The following GART variants were observed in gnomAD, a reference collection of about 807,000 sequenced individuals.
The protein encoded by GART is phosphoribosylglycinamide formyltransferase, phosphoribosylglycinamide synthetase, phosphoribosylaminoimidazole synthetase.
Under a neutral mutation model 107.2 loss-of-function variants are expected in GART, and 43 were observed. The observed-to-expected ratio is 0.40, with a 90% CI of 0.31 to 0.52. The LOEUF (loss-of-function observed/expected upper bound fraction) is 0.52. Ranked by LOEUF, GART falls within the 20% of genes least tolerant of loss-of-function variation. GART has a pLI of 0.52. For synonymous variants in GART, 434 were observed against 427.0 expected, an observed-to-expected ratio of 1.02 and a Z score of -0.20; for missense variants, 1,107 against 1,206.5, an observed-to-expected ratio of 0.92 and a Z score of 1.22.
intron 20 of GART, 39 bp from the exon 21 acceptor site, chr21:33,504,566 A>C: frequency 7.0e-7 from 1 of 1,423,674 alleles, no homozygotes; most frequent in Non-Finnish European, 9.9e-7. Flanking sequence ...GAATTTAAAA[A>C]TCCTGGGTAT....
intron 1 of GART, among the ~76,000 whole-genome samples, chr21:33,540,937 G>A (rs1172487374): frequency 6.6e-6 from 1 of 151,932 alleles, no homozygotes; most frequent in Non-Finnish European, 1.5e-5. Flanking sequence ...ACTTGCTGGA[G>A]GTCACACAGG....
At chr21:33,514,644 G>A (rs1054388211) in intron 16 of GART, among the ~76,000 whole-genome samples, 9 of 152,174 alleles carry the variant, frequency 5.9e-5, no homozygotes, top group Non-Finnish European at 1.3e-4. Flanking sequence ...TATTTGAAAA[G>A]GATGATGAAT....
intron 12 of GART, 82 bp from the exon 13 acceptor site, chr21:33,521,097 A>G (rs571626942): frequency 2.6e-6 from 3 of 1,152,166 alleles, no homozygotes; most frequent in African/African-American, 1.6e-5. Flanking sequence ...GTTTAAAAAA[A>G]CCAGTATATT....
At chr21:33,534,477 A>T in intron 4 of GART, 102 bp downstream of exon 4, 1 of 1,293,752 alleles carries the variant, frequency 7.7e-7, no homozygotes, top group Non-Finnish European at 1.1e-6. Flanking sequence ...TTGGCCTCCC[A>T]AAGTGCTGGG....
chr21:33,514,303 T>C (rs1163497465), intron 16 of GART, among the ~76,000 whole-genome samples: 1 of 152,152 alleles, frequency 6.6e-6, no homozygotes, highest in Non-Finnish European at 1.5e-5. Context: ...CAGAAGTCCT[T>C]ACTTAAATCT....
intron 17 of GART, among the ~76,000 whole-genome samples, chr21:33,511,018 A>G (rs1169395443): frequency 1.3e-5 from 2 of 151,996 alleles, no homozygotes; most frequent in Admixed American, 1.3e-4. Flanking sequence ...TTACTTTGGG[A>G]AGCGATCCTG....
chr21:33,523,341 C>T (rs1159026941), intron 11 of GART, among the ~76,000 whole-genome samples: 3 of 152,174 alleles, frequency 2.0e-5, no homozygotes, highest in Non-Finnish European at 4.4e-5. Context: ...AAAACAAAGA[C>T]TGATGTTAAA....
chr21:33,531,057 A>G (rs376476261), intron 6 of GART, 173 bp from the exon 7 acceptor site: 1 of 457,098 alleles, frequency 2.2e-6, no homozygotes, highest in Non-Finnish European at 3.6e-6. Context: ...ATCAAGAATC[A>G]TAATGTACTC....
intron 10 of GART, among the ~76,000 whole-genome samples, chr21:33,526,934 C>A (rs2085084901): frequency 6.6e-6 from 1 of 152,166 alleles, no homozygotes; most frequent in Admixed American, 6.5e-5. Flanking sequence ...TAATATACAT[C>A]TTCCCTGAGT....
chr21:33,518,105 CTG>C (rs746386625), intron 14 of GART, among the ~76,000 whole-genome samples: 2 of 152,200 alleles, frequency 1.3e-5, no homozygotes, highest in African/African-American at 4.8e-5. Context: ...AAATAAGAAA[CTG>C]TGTTCTAAAC....
At chr21:33,528,770 AAAG>A in intron 8 of GART, 77 bp downstream of exon 8, 1 of 1,197,276 alleles carries the variant, frequency 8.4e-7, no homozygotes, top group African/African-American at 1.6e-5. Flanking sequence ...AAAAAAAAAA[AAAG>A]GGAATGGAAA....
chr21:33,530,960 A>G, intron 6 of GART, 76 bp from the exon 7 acceptor site: 1 of 1,334,338 alleles, frequency 7.5e-7, no homozygotes, highest in East Asian at 3.0e-5. Context: ...GGCAAACTAT[A>G]TGTCCCTTAA....
At chr21:33,542,872 G>A (rs2085481205), upstream of GART, 3 of 589,876 alleles carry the variant, frequency 5.1e-6, no homozygotes, top group Admixed American at 3.0e-5. Context: ...AGTCGTGCGC[G>A]GCGCAAACGT....
Position 33,522,250 on chromosome 21 carries a change from A to G in GART, c.1331T>C (p.Ile444Thr), listed in dbSNP as rs748809550. 41 of 1,613,840 alleles carry G rather than the reference A, an allele frequency of 2.5e-5. No individual in the cohort carries two copies. In the Middle Eastern group the frequency reaches 6.6e-4, roughly 26 times the overall value. The change falls in exon 12 of 22, where the codon ATC becomes ACC. Residue 444 changes from isoleucine to threonine, a missense_variant. Physicochemically the swap from Ile to Thr is moderately conservative, Grantham distance 89 (BLOSUM62 -1). Transcript: ENST00000381815. Reference sequence around the variant, plus strand: ...CTTGACCAGCATATTTCCAGCTGCGATATCTACTCCAGATTCCTTGTAAGT... The same window carrying G: ...CTTGACCAGCATATTTCCAGCTGCGGTATCTACTCCAGATTCCTTGTAAGT... Reference protein sequence around the residue: ...SLTYKESGVDIAAGNMLVKKI... With the variant: ...SLTYKESGVDTAAGNMLVKKI...
At position 33,504,190 on chromosome 21, in the gene GART, C is replaced by T. The variant is rs371998114; in HGVS notation, c.2967G>A (p.Gln989=). The change falls in exon 22 of 22, where the codon CAG becomes CAA. Residue 989 remains glutamine, a synonymous_variant. Coordinates refer to ENST00000381815, the MANE Select transcript of GART (RefSeq NM_000819.5). ...AEHKIFPAAL[Q]LVASGTVQLG... ...GCTGTACAGTTCCACTGGCCACCAG[C>T]TGAAGGGCTGCAGGAAATATTTTAT... 4.3e-6 allele frequency: 7 copies of T among 1,614,218 alleles called. No individual in the cohort carries two copies. The South Asian group carries it at 6.6e-5, about 15-fold the overall frequency.
chr21:33,534,582 A>G lies in GART; in HGVS notation c.413T>C (p.Leu138Ser). 6.2e-7 allele frequency: 1 copy of G among 1,614,112 alleles called. No homozygotes were observed. The highest frequency in any genetic ancestry group is 8.5e-7 in the Non-Finnish European group (1 of 1,180,006). ...TKPEEACSFI[L>S]SADFPALVVK... Reference sequence around the variant, plus strand: ...TCACAGACAACCATTTACCTACCTCAAAATGAAGCTGCAGGCTTCTTCAGG... The same window carrying G: ...TCACAGACAACCATTTACCTACCTCGAAATGAAGCTGCAGGCTTCTTCAGG... Residue 138 changes from leucine to serine, a missense_variant, in exon 4 of 22, where the codon TTG becomes TCG. Leu to Ser is a moderately radical substitution (Grantham distance 145, BLOSUM62 -2). Transcript: ENST00000381815.
chr21:33,528,193 T>C lies in GART; in HGVS notation c.1040A>G (p.Asp347Gly). ...VVMASKGYPGDYTKGVEITGF... is the reference protein window; with the variant it reads ...VVMASKGYPGGYTKGVEITGF... ...TGTTATCTCTACACCCTTGGTGTAGTCTCCAGGATAACCTTTACTTGCCAT... is the reference window on the plus strand; with the variant it reads ...TGTTATCTCTACACCCTTGGTGTAGCCTCCAGGATAACCTTTACTTGCCAT... The change falls in exon 10 of 22, where the codon GAC becomes GGC. Residue 347 changes from aspartate to glycine, a missense_variant. Asp to Gly is a moderately conservative substitution (Grantham distance 94, BLOSUM62 -1). Transcript: ENST00000381815. The C allele has an allele frequency of 5.0e-6, 8 of 1,613,388 alleles. No individual in the cohort carries two copies. Among genetic ancestry groups the C allele is most frequent in the Non-Finnish European group, 6.8e-6 (8 of 1,179,740 alleles).
At chr21:33,507,788 C>T (rs1361091660) in intron 18 of GART, among the ~76,000 whole-genome samples, 4 of 152,062 alleles carry the variant, frequency 2.6e-5, no homozygotes, top group African/African-American at 9.7e-5. Flanking sequence ...GCCGAGTCTG[C>T]GCCACTGCAC....
chr21:33,534,551 T>C (rs374961111), intron 4 of GART, 28 bp downstream of exon 4: 2 of 1,612,738 alleles, frequency 1.2e-6, no homozygotes, highest in South Asian at 1.1e-5. Context: ...ACTAAACAAC[T>C]GTCCTTCACA....
Sources: gnomAD v4.1 joint callset for allele counts (sites outside exome capture counted in the v4.1 genomes callset) on GRCh38, gnomAD v4.1.1 for gene constraint, MANE v1.5 for transcripts, NCBI Gene and HGNC (gene_info 2026-07-23, HGNC 2026-07-21) for gene names.